The following NLGN1 variants were observed in gnomAD, a reference collection of about 807,000 sequenced individuals.
The protein encoded by NLGN1 is neuroligin-1.
Under a neutral mutation model 65.5 loss-of-function variants are expected in NLGN1, and 12 were observed. The ratio of observed to expected loss-of-function variants is 0.18; its 90% CI spans 0.12 to 0.30. The LOEUF is 0.30. Among genes scored for constraint, NLGN1 ranks in the 10% least tolerant of loss-of-function variants. NLGN1 has a pLI of 1.00. For missense variants in NLGN1, 750 were observed against 1,007.1 expected (o/e 0.74, Z 3.46); for synonymous variants, 350 against 359.5 (o/e 0.97, Z 0.30).
At chr3:173,504,633 T>G (rs61644073) in intron 2 of NLGN1, among the ~76,000 whole-genome samples, 2,950 of 152,132 alleles carry the variant, frequency 0.019, 86 homozygotes, top group South Asian at 0.087. Context: ...AAGATTTCCA[T>G]GTCCTCTTTT....
At chr3:173,604,337 C>A in exon 3 of NLGN1, 2 of 439,596 alleles carry the variant, frequency 4.5e-6, no homozygotes, top group East Asian at 3.7e-5. Context: ...CAGTCAATGC[C>A]CACTCTTGCC....
chr3:173,565,049 A>G (rs1743406907), intron 2 of NLGN1, among the ~76,000 whole-genome samples: 2 of 152,174 alleles, frequency 1.3e-5, no homozygotes, highest in African/African-American at 2.4e-5. Context: ...CAAAAGGGAA[A>G]CTCTGCCCAG....
intron 3 of NLGN1, among the ~76,000 whole-genome samples, chr3:173,691,480 A>C (rs1647164895): frequency 6.6e-6 from 1 of 152,166 alleles, no homozygotes. Flanking sequence ...AGGAAAATAA[A>C]ATCTTTGAAG....
At chr3:173,983,186 C>T (rs1401963583) in intron 4 of NLGN1, among the ~76,000 whole-genome samples, 1 of 152,104 alleles carries the variant, frequency 6.6e-6, no homozygotes, top group Non-Finnish European at 1.5e-5. Flanking sequence ...ATTTGAAGGG[C>T]AGCACATTAC....
At chr3:173,963,051 C>A (rs553362539) in intron 4 of NLGN1, among the ~76,000 whole-genome samples, 7 of 152,114 alleles carry the variant, frequency 4.6e-5, no homozygotes, top group Admixed American at 4.6e-4. Flanking sequence ...AATAATAATT[C>A]CAACAATAAT....
intron 1 of NLGN1, among the ~76,000 whole-genome samples, chr3:173,412,975 G>T (rs1311175985): frequency 6.6e-6 from 1 of 152,174 alleles, no homozygotes; most frequent in South Asian, 2.1e-4. Context: ...ATTAACTGGG[G>T]TTTGTGCTAC....
At chr3:174,217,083 T>C (rs575414509) in intron 4 of NLGN1, among the ~76,000 whole-genome samples, 1 of 152,226 alleles carries the variant, frequency 6.6e-6, no homozygotes, top group Admixed American at 6.5e-5. Flanking sequence ...GTCATGTTTC[T>C]TCCAAAACCC....
intron 4 of NLGN1, among the ~76,000 whole-genome samples, chr3:174,212,058 A>G (rs1373330296): frequency 6.6e-6 from 1 of 152,114 alleles, no homozygotes; most frequent in Non-Finnish European, 1.5e-5. Context: ...CTGCACAGGA[A>G]CCCACGGAGG....
chr3:174,265,949 T>A (rs943361887), intron 4 of NLGN1, among the ~76,000 whole-genome samples: 17 of 147,714 alleles, frequency 1.2e-4, no homozygotes, highest in Middle Eastern at 3.6e-3. Context: ...TGTATATATG[T>A]GTATGTGTAT....
chr3:173,965,564 C>T (rs965549494), intron 4 of NLGN1, among the ~76,000 whole-genome samples: 6 of 151,702 alleles, frequency 4.0e-5, no homozygotes, highest in African/African-American at 7.3e-5. Flanking sequence ...CTGATCCACC[C>T]GCCTCAGCTT....
chr3:174,069,392 A>G (rs919866596), intron 4 of NLGN1, among the ~76,000 whole-genome samples: 51 of 152,158 alleles, frequency 3.4e-4, no homozygotes, highest in African/African-American at 1.2e-3. Context: ...CTCATGAGAC[A>G]TGAGAGAGGA....
At chr3:173,981,822 C>T (rs919703737) in intron 4 of NLGN1, among the ~76,000 whole-genome samples, 2 of 151,948 alleles carry the variant, frequency 1.3e-5, no homozygotes, top group African/African-American at 2.4e-5. Context: ...ATTCATTTTA[C>T]TAATTTTCAT....
intron 4 of NLGN1, among the ~76,000 whole-genome samples, chr3:173,909,141 T>C (rs78231662): frequency 0.024 from 3,647 of 152,186 alleles, 45 homozygotes; most frequent in African/African-American, 0.045. Context: ...AATTGTATTC[T>C]ATTAGCTAGT....
chr3:173,860,740 T>C (rs562970975), intron 4 of NLGN1, among the ~76,000 whole-genome samples: 3 of 152,300 alleles, frequency 2.0e-5, no homozygotes, highest in Admixed American at 1.3e-4. Flanking sequence ...GAGAATGAAA[T>C]GTGAATAATG....
chr3:173,884,513 T>G (rs989275704), intron 4 of NLGN1, among the ~76,000 whole-genome samples: 2 of 152,094 alleles, frequency 1.3e-5, no homozygotes, highest in African/African-American at 2.4e-5. Flanking sequence ...GTGTTGACAA[T>G]TAGTGATGGG....
intron 4 of NLGN1, among the ~76,000 whole-genome samples, chr3:173,906,068 A>T (rs760569486): frequency 2.0e-5 from 3 of 152,226 alleles, no homozygotes; most frequent in Admixed American, 6.5e-5. Context: ...CTTTAATTTC[A>T]AGGGGAAAGA....
intron 4 of NLGN1, among the ~76,000 whole-genome samples, chr3:174,235,824 T>C (rs1028615040): frequency 1.3e-5 from 2 of 152,148 alleles, no homozygotes; most frequent in African/African-American, 4.8e-5. Flanking sequence ...CCCAGTAAGT[T>C]TGAGGAACGT....
chr3:173,416,815 T>A (rs903795638), intron 1 of NLGN1, among the ~76,000 whole-genome samples: 1 of 152,146 alleles, frequency 6.6e-6, no homozygotes, highest in South Asian at 2.1e-4. Context: ...ATCACTTTAA[T>A]ATATATAGTT....
At chr3:173,811,721 A>C (rs1398705326) in intron 4 of NLGN1, among the ~76,000 whole-genome samples, 1 of 152,130 alleles carries the variant, frequency 6.6e-6, no homozygotes, top group African/African-American at 2.4e-5. Context: ...AGAATATATA[A>C]GATAAGAATT....
Sources: gnomAD v4.1 joint callset for allele counts (sites outside exome capture counted in the v4.1 genomes callset) on GRCh38, gnomAD v4.1.1 for gene constraint, MANE v1.5 for transcripts, NCBI Gene and HGNC (gene_info 2026-07-23, HGNC 2026-07-21) for gene names.